The following SAFB variants were observed in gnomAD, a reference collection of about 807,000 sequenced individuals.
SAFB encodes the protein scaffold attachment factor B1.
In SAFB, 15 loss-of-function variants were observed where a neutral mutation model predicts 101.6. The ratio of observed to expected loss-of-function variants is 0.15; its 90% CI spans 0.10 to 0.23. The LOEUF is 0.23. Ranked by LOEUF, SAFB falls within the 10% of genes least tolerant of loss-of-function variation. The probability of loss-of-function intolerance (pLI) is 1.00; values close to 1 mark genes in which losing one functional copy is unlikely to be tolerated. For synonymous variants in SAFB, 449 were observed against 407.5 expected (o/e 1.10, Z -1.23); for missense variants, 930 against 1,104.1 (o/e 0.84, Z 2.23).
chr19:5,630,534 T>A (rs2053467402), intron 2 of SAFB, among the ~76,000 whole-genome samples: 1 of 152,168 alleles, frequency 6.6e-6, no homozygotes, highest in Non-Finnish European at 1.5e-5. Flanking sequence ...TGCAGGTGGA[T>A]CACCTGAGGT....
At chr19:5,632,207 G>A (rs916937611) in intron 2 of SAFB, among the ~76,000 whole-genome samples, 1 of 152,126 alleles carries the variant, frequency 6.6e-6, no homozygotes, top group Non-Finnish European at 1.5e-5. Flanking sequence ...CTTTGCTGCT[G>A]GCTTGTTTTG....
At chr19:5,649,532 A>G (rs1020842247) in intron 7 of SAFB, 33 bp downstream of exon 7, 8 of 381,248 alleles carry the variant, frequency 2.1e-5, no homozygotes, top group African/African-American at 2.0e-4. Flanking sequence ...ACCAGACGCT[A>G]TCTCCTTTTC....
Position 5,661,791 on chromosome 19 carries a change from G to T in SAFB, c.2136G>T (p.Arg712=). The stretch of plus-strand genomic sequence containing the variant: ...AGGAGCGGCGGCCCGCGGTGCGGCG[G>T]CCCTACGACCTGGACCGGTAAGCAG... ...YEQERRPAVR[R]PYDLDRRDDA... The change falls in exon 15 of 21, where the codon CGG becomes CGT. Residue 712 remains arginine (R), a synonymous_variant. Coordinates refer to ENST00000588852, the MANE Select transcript of SAFB (RefSeq NM_001201338.2). 6.4e-7 allele frequency: 1 copy of T among 1,552,514 alleles called. No homozygotes were observed.
chr19:5,638,009 C>A (rs2053629451), intron 2 of SAFB, among the ~76,000 whole-genome samples: 1 of 152,190 alleles, frequency 6.6e-6, no homozygotes, highest in South Asian at 2.1e-4. Context: ...TCCATTTTTG[C>A]TTCAGTTCTG....
intron 1 of SAFB, among the ~76,000 whole-genome samples, chr19:5,625,767 T>C (rs1377761454): frequency 3.3e-5 from 5 of 152,124 alleles, no homozygotes; most frequent in Admixed American, 3.3e-4. Context: ...CAATATCCGA[T>C]GAGGCACAAT....
At chr19:5,657,836 CTT>C (rs954856148) in intron 14 of SAFB, among the ~76,000 whole-genome samples, 2 of 151,870 alleles carry the variant, frequency 1.3e-5, no homozygotes, top group African/African-American at 4.8e-5. Flanking sequence ...ACTTACAGCT[CTT>C]TTCAAATAAG....
intron 2 of SAFB, among the ~76,000 whole-genome samples, chr19:5,633,710 T>C (rs1294224569): frequency 6.7e-6 from 1 of 148,632 alleles, no homozygotes; most frequent in Non-Finnish European, 1.5e-5. Flanking sequence ...ACCCGGGAGG[T>C]GGAGCTTGCA....
chr19:5,662,801 C>T (rs562865895), intron 15 of SAFB, among the ~76,000 whole-genome samples: 8 of 151,582 alleles, frequency 5.3e-5, no homozygotes, highest in African/African-American at 1.2e-4. Flanking sequence ...CCACCACACC[C>T]GGCTAATTTT....
At chr19:5,663,728 C>G (rs1370021531) in intron 15 of SAFB, among the ~76,000 whole-genome samples, 1 of 152,144 alleles carries the variant, frequency 6.6e-6, no homozygotes, top group Non-Finnish European at 1.5e-5. Flanking sequence ...GCGGAGGTGG[C>G]TGTGTAGGGC....
intron 13 of SAFB, among the ~76,000 whole-genome samples, chr19:5,655,850 A>G (rs1423579318): frequency 1.3e-5 from 2 of 152,258 alleles, no homozygotes; most frequent in African/African-American, 4.8e-5. Flanking sequence ...TGGCACAAAT[A>G]AGGTACTTGT....
At chr19:5,626,257 A>G in intron 1 of SAFB, 148 bp from the exon 2 acceptor site, 9 of 552,738 alleles carry the variant, frequency 1.6e-5, no homozygotes, top group Admixed American at 3.2e-5. Flanking sequence ...GAGATAACAG[A>G]TGAGTGGATG....
intron 1 of SAFB, chr19:5,623,897 A>G (rs1357147013): frequency 6.5e-6 from 1 of 153,340 alleles, no homozygotes; most frequent in East Asian, 1.9e-4. Flanking sequence ...GGGCTGATTT[A>G]CAAAGGAAAC....
chr19:5,638,430 T>C (rs2053637293), intron 2 of SAFB, among the ~76,000 whole-genome samples: 1 of 151,208 alleles, frequency 6.6e-6, no homozygotes, highest in Admixed American at 6.6e-5. Context: ...GCGATTCTCC[T>C]GCGTCAACCC....
At chr19:5,650,871 C>A in intron 8 of SAFB, 107 bp from the exon 9 acceptor site, 1 of 727,942 alleles carries the variant, frequency 1.4e-6, no homozygotes, top group South Asian at 1.9e-5. Context: ...TTAGTGCTGC[C>A]ACTGCCTCAG....
intron 15 of SAFB, among the ~76,000 whole-genome samples, chr19:5,662,163 C>G (rs2054226340): frequency 1.3e-5 from 2 of 152,102 alleles, no homozygotes; most frequent in Admixed American, 1.3e-4. Flanking sequence ...GGGATTACAG[C>G]TGTGAGCCAC....
chr19:5,648,623 G>A (rs2053873198), intron 6 of SAFB, among the ~76,000 whole-genome samples: 1 of 152,216 alleles, frequency 6.6e-6, no homozygotes, highest in Non-Finnish European at 1.5e-5. Context: ...AAGAAATTTG[G>A]AAATTGAGCT....
At chr19:5,652,326 C>T (rs999139155) in intron 9 of SAFB, among the ~76,000 whole-genome samples, 4 of 152,224 alleles carry the variant, frequency 2.6e-5, no homozygotes, top group Admixed American at 6.5e-5. Flanking sequence ...GACCCCCTTT[C>T]CTGACTCCAT....
chr19:5,666,813 T>C lies in SAFB; in HGVS notation c.2335-233T>C, dbSNP rs1294396039. On this transcript the variant is annotated intron_variant, in intron 17 of 20. Transcript: ENST00000588852. ...CTGGTGGTGCTGTGGGGACCTGCCT[T>C]GGAGATGCCTTGGTACTAGTACCTT... is the stretch of plus-strand genomic sequence containing the variant. 8.5e-6 allele frequency: 5 copies of C among 589,692 alleles called. 1 individual carries two copies. The highest frequency in any genetic ancestry group is 9.4e-4 in the Middle Eastern group (2 of 2,118). The allele number at this position is 589,692 out of a possible 1,614,324, so 36.5% of individuals were successfully genotyped here.
chr19:5,647,989 C>G, intron 5 of SAFB, 27 bp from the exon 6 acceptor site: 1 of 1,604,042 alleles, frequency 6.2e-7, no homozygotes, highest in Non-Finnish European at 8.5e-7. Flanking sequence ...TCATCTGGCA[C>G]AGTCTTATTT....
Sources: gnomAD v4.1 joint callset for allele counts (sites outside exome capture counted in the v4.1 genomes callset) on GRCh38, gnomAD v4.1.1 for gene constraint, MANE v1.5 for transcripts, NCBI Gene and HGNC (gene_info 2026-07-23, HGNC 2026-07-21) for gene names.